Variants in GRIK4 observed in about 807,000 individuals in gnomAD.
The protein encoded by GRIK4 is glutamate receptor ionotropic, kainate 4.
A neutral mutation model predicts 104.9 loss-of-function variants in GRIK4; 40 were observed. The observed-to-expected ratio is 0.38, with a 90% confidence interval of 0.30 to 0.50. GRIK4 has a LOEUF of 0.50. Ranked by LOEUF, GRIK4 falls within the 20% of genes least tolerant of loss-of-function variation. GRIK4 has a pLI of 0.93. For synonymous variants in GRIK4, 485 were observed against 524.9 expected (o/e 0.92, Z 1.04); for missense variants, 1,047 against 1,308.1 (o/e 0.80, Z 3.08).
intron 3 of GRIK4, among the ~76,000 whole-genome samples, chr11:120,680,789 T>C (rs574337305): frequency 6.6e-6 from 1 of 152,262 alleles, no homozygotes; most frequent in South Asian, 2.1e-4. Flanking sequence ...AGCTGGATAT[T>C]TGTCTTTGAG....
intron 1 of GRIK4, among the ~76,000 whole-genome samples, chr11:120,636,671 C>A (rs767427634): frequency 6.6e-6 from 1 of 152,132 alleles, no homozygotes. Context: ...GAAACCCTGT[C>A]TCCACTAAAA....
chr11:120,693,846 C>G (rs1950402586), intron 3 of GRIK4, among the ~76,000 whole-genome samples: 1 of 152,198 alleles, frequency 6.6e-6, no homozygotes, highest in Admixed American at 6.5e-5. Context: ...CCAGCATCTT[C>G]AGCCCCTGAG....
intron 9 of GRIK4, chr11:120,871,990 G>C (rs771294376): frequency 1.1e-5 from 5 of 447,330 alleles, no homozygotes; most frequent in Non-Finnish European, 2.3e-5. Flanking sequence ...AGCAAAACTG[G>C]GTAGGAAATA....
intron 8 of GRIK4, among the ~76,000 whole-genome samples, chr11:120,838,694 G>A (rs753137432): frequency 1.9e-4 from 29 of 152,202 alleles, no homozygotes; most frequent in Non-Finnish European, 3.5e-4. Flanking sequence ...TAGGAGTAAA[G>A]AAACTGTTTT....
chr11:120,619,292 GT>G (rs1402792079), intron 1 of GRIK4, among the ~76,000 whole-genome samples: 1 of 152,208 alleles, frequency 6.6e-6, no homozygotes, highest in Non-Finnish European at 1.5e-5. Flanking sequence ...TGGAATGGGA[GT>G]TTTTACCCAA....
At chr11:120,639,613 C>T (rs567089809) in intron 1 of GRIK4, among the ~76,000 whole-genome samples, 2 of 152,314 alleles carry the variant, frequency 1.3e-5, no homozygotes, top group South Asian at 2.1e-4. Context: ...CATTCCTCCA[C>T]GACCCACATC....
At chr11:120,608,437 C>A (rs1055043099) in intron 1 of GRIK4, among the ~76,000 whole-genome samples, 3 of 152,248 alleles carry the variant, frequency 2.0e-5, no homozygotes, top group Admixed American at 1.3e-4. Flanking sequence ...TGGGGCCAGC[C>A]CCACTGGCCA....
intron 1 of GRIK4, among the ~76,000 whole-genome samples, chr11:120,541,647 C>T (rs1486884192): frequency 6.6e-6 from 1 of 152,086 alleles, no homozygotes; most frequent in Non-Finnish European, 1.5e-5. Flanking sequence ...TGTGCCATCA[C>T]GCCTGGCTAA....
intron 18 of GRIK4, 65 bp downstream of exon 18, chr11:120,962,746 C>T (rs1003538021): frequency 1.8e-5 from 18 of 1,019,314 alleles, no homozygotes; most frequent in Non-Finnish European, 2.6e-5. Flanking sequence ...TAGCTCAAAC[C>T]ACTGAATACA....
chr11:120,760,659 T>A (rs532094027), intron 3 of GRIK4, among the ~76,000 whole-genome samples: 1 of 152,200 alleles, frequency 6.6e-6, no homozygotes, highest in East Asian at 1.9e-4. Flanking sequence ...AACGTTCTCA[T>A]TGTTCAACTC....
chr11:120,620,262 G>T, intron 1 of GRIK4: 2 of 742,068 alleles, frequency 2.7e-6, no homozygotes. Flanking sequence ...TTTTCTCCTC[G>T]CCATCCATTT....
intron 1 of GRIK4, among the ~76,000 whole-genome samples, chr11:120,517,463 G>A (rs1947744030): frequency 6.7e-6 from 1 of 148,610 alleles, no homozygotes. Flanking sequence ...GAGGCCATGG[G>A]CAGGCCCCCT....
At chr11:120,811,365 C>T (rs554926621) in intron 4 of GRIK4, among the ~76,000 whole-genome samples, 1 of 152,086 alleles carries the variant, frequency 6.6e-6, no homozygotes, top group African/African-American at 2.4e-5. Flanking sequence ...AGTTAATTGC[C>T]ATTTGCTGGG....
intron 13 of GRIK4, among the ~76,000 whole-genome samples, chr11:120,915,445 C>G (rs951620908): frequency 3.3e-5 from 5 of 152,106 alleles, no homozygotes; most frequent in Non-Finnish European, 5.9e-5. Context: ...CGGCTGGGCT[C>G]TCCCATCTCA....
At chr11:120,797,616 A>C (rs1435339078) in intron 3 of GRIK4, among the ~76,000 whole-genome samples, 3 of 152,124 alleles carry the variant, frequency 2.0e-5, no homozygotes, top group Admixed American at 1.3e-4. Context: ...GTTTTATGCC[A>C]GCCAACCACT....
At chr11:120,708,097 G>A (rs1950660540) in intron 3 of GRIK4, among the ~76,000 whole-genome samples, 1 of 152,148 alleles carries the variant, frequency 6.6e-6, no homozygotes, top group African/African-American at 2.4e-5. Flanking sequence ...AGTGTGGTGG[G>A]TGGTCATTTT....
At chr11:120,577,470 C>T (rs189175230) in intron 1 of GRIK4, among the ~76,000 whole-genome samples, 96 of 152,004 alleles carry the variant, frequency 6.3e-4, no homozygotes, top group East Asian at 4.1e-3. Flanking sequence ...TCGGGGGGTT[C>T]GTCTTTTCCT....
At chr11:120,928,030 C>G (rs1475045074) in intron 13 of GRIK4, among the ~76,000 whole-genome samples, 5 of 151,868 alleles carry the variant, frequency 3.3e-5, no homozygotes, top group Non-Finnish European at 7.4e-5. Context: ...GCCTGGCCAA[C>G]GTGGTGAAAC....
rs559062229 is a variant in GRIK4, at chr11:120,582,660, C to T, written c.-159+70773C>T. Among the ~76,000 whole-genome samples, 5 of 152,300 alleles carry T rather than the reference C, an allele frequency of 3.3e-5. No homozygotes were observed. The South Asian group carries it at 1.0e-3, about 32-fold the overall frequency. On this transcript the variant is annotated intron_variant, in intron 1 of 20. Coordinates refer to ENST00000527524, the MANE Select transcript of GRIK4 (RefSeq NM_014619.5). The stretch of plus-strand genomic sequence containing the variant: ...TGCTTAGAATAATGGCCTCCAGCTC[C>T]ATCCATGTTGCTGCGAAGGACATTA...
Sources: gnomAD v4.1 joint callset for allele counts (sites outside exome capture counted in the v4.1 genomes callset) on GRCh38, gnomAD v4.1.1 for gene constraint, MANE v1.5 for transcripts, NCBI Gene and HGNC (gene_info 2026-07-23, HGNC 2026-07-21) for gene names.